KALRN: variants seen among roughly 807,000 people sequenced by gnomAD.
KALRN encodes the protein kalirin RhoGEF kinase.
KALRN carries 70 observed loss-of-function variants against 353.7 expected under a neutral mutation model. The observed-to-expected ratio is 0.20, with a 90% CI of 0.16 to 0.24. The LOEUF is 0.24. Among genes scored for constraint, KALRN ranks in the 10% least tolerant of loss-of-function variants. The probability of loss-of-function intolerance (pLI) is 1.00; values close to 1 mark genes in which losing one functional copy is unlikely to be tolerated. For synonymous variants in KALRN, 1,391 were observed against 1,434.8 expected (o/e 0.97, Z 0.69); for missense variants, 2,791 against 3,756.7 (o/e 0.74, Z 6.72).
intron 15 of KALRN, 150 bp from the exon 16 acceptor site, chr3:124,430,506 C>A: frequency 1.1e-6 from 1 of 898,176 alleles, no homozygotes; most frequent in Non-Finnish European, 1.7e-6. Context: ...GGGGAGATGA[C>A]CATTTTGATT....
At chr3:124,703,832 A>G (rs1381608290) in intron 57 of KALRN, among the ~76,000 whole-genome samples, 1 of 150,830 alleles carries the variant, frequency 6.6e-6, no homozygotes, top group African/African-American at 2.4e-5. Flanking sequence ...TTTTAAAAGA[A>G]TCTTTTGTTG....
At chr3:124,191,905 T>A (rs1189183882) in intron 1 of KALRN, among the ~76,000 whole-genome samples, 1 of 152,224 alleles carries the variant, frequency 6.6e-6, no homozygotes, top group Non-Finnish European at 1.5e-5. Context: ...ACTCTGTCTT[T>A]TAATGGGAGG....
chr3:124,428,371 T>A (rs2093122635), intron 15 of KALRN, among the ~76,000 whole-genome samples: 1 of 152,178 alleles, frequency 6.6e-6, no homozygotes, highest in African/African-American at 2.4e-5. Context: ...ACCATCATAA[T>A]CATCAGACTT....
At chr3:124,048,574 C>G (rs374374067) in intron 1 of KALRN, among the ~76,000 whole-genome samples, 1 of 151,972 alleles carries the variant, frequency 6.6e-6, no homozygotes, top group Non-Finnish European at 1.5e-5. Context: ...CTCCGCCTCC[C>G]GGGTTCACAC....
At chr3:124,629,799 T>A (rs2080539639) in intron 34 of KALRN, among the ~76,000 whole-genome samples, 1 of 75,646 alleles carries the variant, frequency 1.3e-5, no homozygotes, top group South Asian at 3.4e-4. Flanking sequence ...TTTCATTTTT[T>A]CTCTCTCTCT....
chr3:124,416,223 A>G (rs1435611785), intron 14 of KALRN, among the ~76,000 whole-genome samples: 1 of 152,186 alleles, frequency 6.6e-6, no homozygotes, highest in Non-Finnish European at 1.5e-5. Context: ...AGCACTTACT[A>G]CCGGGGTGCT....
At chr3:124,324,146 A>C (rs1212489543) in intron 6 of KALRN, among the ~76,000 whole-genome samples, 2 of 152,204 alleles carry the variant, frequency 1.3e-5, no homozygotes, top group East Asian at 3.9e-4. Flanking sequence ...CCAGTTGCTC[A>C]TAGAACTTAA....
chr3:124,264,379 A>G lies in KALRN; in HGVS notation c.264-119A>G. 3.8e-6 allele frequency: 3 copies of G among 793,862 alleles called. No homozygotes were observed. The South Asian group carries it at 5.6e-5, about 15-fold the overall frequency. 49.2% of individuals were successfully genotyped at this position (793,862 alleles called of 1,614,324 possible). Reference sequence around the variant, plus strand: ...TTTGAAGGTGGCCAAGAGACCTGGCATGAAGTTGAAAGAGTGATTCTGGTC... The same window carrying G: ...TTTGAAGGTGGCCAAGAGACCTGGCGTGAAGTTGAAAGAGTGATTCTGGTC... On this transcript the variant is annotated intron_variant, in intron 3 of 59. Coordinates refer to ENST00000682506, the MANE Select transcript of KALRN (RefSeq NM_001388419.1).
chr3:124,582,371 G>C (rs1204524657), intron 34 of KALRN, among the ~76,000 whole-genome samples: 3 of 152,148 alleles, frequency 2.0e-5, no homozygotes, highest in Non-Finnish European at 4.4e-5. Flanking sequence ...GTGTTAGAAA[G>C]AGCACCAGAG....
chr3:124,382,384 G>T (rs1337140741), intron 10 of KALRN, among the ~76,000 whole-genome samples: 3 of 152,132 alleles, frequency 2.0e-5, no homozygotes, highest in African/African-American at 7.2e-5. Context: ...TCTCAAGAAT[G>T]ATTTTAATTC....
chr3:124,604,216 A>C (rs1010351591), intron 34 of KALRN, among the ~76,000 whole-genome samples: 5 of 152,118 alleles, frequency 3.3e-5, no homozygotes, highest in African/African-American at 4.8e-5. Context: ...TTAGTTACAT[A>C]TGTATACATG....
intron 22 of KALRN, 106 bp downstream of exon 22, chr3:124,455,465 G>A: frequency 8.6e-7 from 1 of 1,161,402 alleles, no homozygotes; most frequent in South Asian, 1.6e-5. Context: ...CAGTTCTTCT[G>A]AGCTATTGAC....
At chr3:124,247,213 C>T (rs1249640132) in intron 3 of KALRN, among the ~76,000 whole-genome samples, 3 of 152,090 alleles carry the variant, frequency 2.0e-5, no homozygotes, top group Admixed American at 2.0e-4. Flanking sequence ...GCTCAGTTGC[C>T]CAAGAAGACA....
At chr3:124,623,859 TTA>T (rs2079610337) in intron 34 of KALRN, among the ~76,000 whole-genome samples, 1 of 152,094 alleles carries the variant, frequency 6.6e-6, no homozygotes, top group Non-Finnish European at 1.5e-5. Flanking sequence ...AATGGACTGG[TTA>T]GGATATGTTC....
chr3:124,150,196 G>A lies in KALRN; in HGVS notation c.74-77794G>A, dbSNP rs1022395451. Among the ~76,000 whole-genome samples, 20 of 152,116 alleles carry A rather than the reference G, an allele frequency of 1.3e-4. 1 individual carries two copies. The highest frequency in any genetic ancestry group is 1.5e-5 in the Non-Finnish European group (1 of 68,010). ...CCTGTATATTAACATGGGGAAAAAA[G>A]TAAAAGTAAACCAAACAAAATTGAA... On this transcript the variant is annotated intron_variant, in intron 1 of 59. Transcript: ENST00000682506.
chr3:124,057,457 A>C (rs1388207548), intron 1 of KALRN, among the ~76,000 whole-genome samples: 1 of 152,176 alleles, frequency 6.6e-6, no homozygotes, highest in Non-Finnish European at 1.5e-5. Context: ...AAATGGTGAA[A>C]GCTCAATCAT....
At chr3:124,675,988 AG>A (rs1158038727) in intron 49 of KALRN, among the ~76,000 whole-genome samples, 1 of 152,232 alleles carries the variant, frequency 6.6e-6, no homozygotes, top group African/African-American at 2.4e-5. Context: ...AAGGCACAAT[AG>A]CCCCCATGCA....
chr3:124,562,892 G>A lies in KALRN; in HGVS notation c.4985G>A (p.Gly1662Asp). ...GTGGTCCTCCAGGACTTCAGTGCGG[G>A]CCACAGCAGTGAGCTGACCATCCAG... Reference protein sequence around the residue: ...LTVVLQDFSAGHSSELTIQVG... With the variant: ...LTVVLQDFSADHSSELTIQVG... Residue 1662 changes from glycine (G) to aspartate (D), a missense_variant, in exon 34 of 60, where the codon GGC becomes GAC. Coordinates refer to ENST00000682506, the MANE Select transcript of KALRN (RefSeq NM_001388419.1). 1 of 1,367,700 alleles carries A rather than the reference G, an allele frequency of 7.3e-7. No homozygotes were observed. The highest frequency in any genetic ancestry group is 9.8e-7 in the Non-Finnish European group (1 of 1,021,948). 84.7% of individuals were successfully genotyped at this position (1,367,700 alleles called of 1,614,324 possible).
chr3:124,301,820 G>A (rs566814212), intron 6 of KALRN, among the ~76,000 whole-genome samples: 5 of 151,926 alleles, frequency 3.3e-5, no homozygotes, highest in South Asian at 2.1e-4. Context: ...CAGCGTTTCC[G>A]TTCTTGGAAA....
Sources: allele counts gnomAD v4.1 joint callset (sites outside exome capture counted in the v4.1 genomes callset), GRCh38; gene constraint gnomAD v4.1.1; transcripts MANE v1.5; gene names NCBI Gene and HGNC (gene_info 2026-07-23, HGNC 2026-07-21).